GPM6B: variants seen among roughly 807,000 people sequenced by gnomAD.
The protein encoded by GPM6B is glycoprotein M6B, also known as neuronal membrane glycoprotein M6-b.
In GPM6B, 4 loss-of-function variants were observed where a neutral mutation model predicts 27.2. The ratio of observed to expected loss-of-function variants is 0.15; its 90% CI spans 0.07 to 0.34. The LOEUF (loss-of-function observed/expected upper bound fraction) is 0.34. Ranked by LOEUF, GPM6B falls within the 10% of genes least tolerant of loss-of-function variation. GPM6B has a pLI of 1.00. For missense variants in GPM6B, 183 were observed against 261.9 expected (o/e 0.70, Z 2.08); for synonymous variants, 124 against 103.1 (o/e 1.20, Z -1.23).
Position 13,919,856 on chromosome X carries a change from T to C in GPM6B, c.-198+18471A>G, listed in dbSNP as rs149435875. ...AGTCTTTGCTTCTCCAAAGGAGCTG[T>C]TGAAGGACAGCATCCTCTGGCTCTT... On this transcript the variant is annotated intron_variant, in intron 1 of 6. Transcript: ENST00000398361. Among the ~76,000 whole-genome samples the C allele has an allele frequency of 8.3e-3, 924 of 111,880 alleles. 7 individuals are homozygous for C. Among genetic ancestry groups the C allele is most frequent in the African/African-American group, 0.028 (849 of 30,782 alleles).
At position 13,931,614 on chromosome X, in the gene GPM6B, C is replaced by G. The variant is rs187107055; in HGVS notation, c.-198+6713G>C. ...CTCTGTAGTCATGCCAAAGATCACC[C>G]CAATATCTTTCCATCCCAGAAAGCT... On this transcript the variant is annotated intron_variant, in intron 1 of 6. Coordinates refer to the GPM6B transcript ENST00000398361. Among the ~76,000 whole-genome samples, 225 of 112,279 alleles carry G rather than the reference C, an allele frequency of 2.0e-3. 1 individual carries two copies. Among genetic ancestry groups the G allele is most frequent in the Non-Finnish European group, 2.2e-3 (115 of 53,139 alleles).
intron 1 of GPM6B, among the ~76,000 whole-genome samples, chrX:13,846,446 C>G (rs1010266179): frequency 8.9e-6 from 1 of 111,779 alleles, no homozygotes; most frequent in Non-Finnish European, 1.9e-5. Context: ...TCTCTGAACA[C>G]TCAGAGCAAA....
chrX:13,785,714 G>A lies in GPM6B; in HGVS notation c.276C>T (p.Cys92=), dbSNP rs753388801. 8 of 1,209,483 alleles carry A rather than the reference G, an allele frequency of 6.6e-6. No homozygotes were observed. Among genetic ancestry groups the A allele is most frequent in the African/African-American group, 3.5e-5 (2 of 57,341 alleles). The part of the protein sequence containing the change: ...ILCFSGVALF[C]GCGHVALAGT... ...CTGCGAGAGCCACATGCCCACAGCC[G>A]CAGAATAAGGCCACCCCGGAGAAGC... Residue 92 remains cysteine, a synonymous_variant, in exon 3 of 8, where the codon TGC becomes TGT. Coordinates refer to ENST00000316715, the MANE Select transcript of GPM6B (RefSeq NM_001001995.3).
intron 2 of GPM6B, among the ~76,000 whole-genome samples, chrX:13,793,306 T>C (rs2048748534): frequency 9.0e-6 from 1 of 111,318 alleles, no homozygotes; most frequent in Non-Finnish European, 1.9e-5. Context: ...CTTTGAGTTG[T>C]CCTGCCTTTC....
chrX:13,868,216 T>C (rs1364453167), intron 1 of GPM6B, among the ~76,000 whole-genome samples: 6 of 111,047 alleles, frequency 5.4e-5, no homozygotes, highest in African/African-American at 2.0e-4. Context: ...TGTGTGTACG[T>C]GTGCATACTG....
chrX:13,861,043 C>CAT (rs746863737), intron 1 of GPM6B, among the ~76,000 whole-genome samples: 7 of 49,661 alleles, frequency 1.4e-4, no homozygotes, highest in South Asian at 2.7e-3. Flanking sequence ...CACACACACA[C>CAT]ATATATACAT....
intron 1 of GPM6B, among the ~76,000 whole-genome samples, chrX:13,834,972 G>C (rs1360373942): frequency 8.9e-6 from 1 of 112,311 alleles, no homozygotes; most frequent in Non-Finnish European, 1.9e-5. Context: ...AGTGGAGACT[G>C]CTTCTCACTG....
chrX:13,810,129 G>GA lies in GPM6B; in HGVS notation c.62-2361dup, dbSNP rs778515124. On this transcript the variant is annotated intron_variant, in intron 1 of 7. Coordinates refer to ENST00000316715, the MANE Select transcript of GPM6B (RefSeq NM_001001995.3). Reference sequence around the variant, plus strand: ...TGAGACTCTGTCTCAAAAAAAGAAAGAAAAAAAACCCCCAAAAAACAGATT... The same window carrying GA: ...TGAGACTCTGTCTCAAAAAAAGAAAGAAAAAAAAACCCCCAAAAAACAGATT... 1.1e-3 allele frequency among the ~76,000 whole-genome samples: 124 copies of GA among 109,790 alleles called. No individual in the cohort carries two copies. The South Asian group carries it at 0.012, about 10-fold the overall frequency.
intron 7 of GPM6B, among the ~76,000 whole-genome samples, chrX:13,775,482 G>A (rs1163856382): frequency 1.8e-5 from 2 of 112,231 alleles, no homozygotes; most frequent in African/African-American, 6.5e-5. Flanking sequence ...GGGTGATTTT[G>A]CTGCTTAAAA....
intron 1 of GPM6B, among the ~76,000 whole-genome samples, chrX:13,938,122 G>A (rs1386801684): frequency 9.1e-6 from 1 of 110,376 alleles, no homozygotes; most frequent in Non-Finnish European, 1.9e-5. Context: ...GCGACAGGGA[G>A]AGCGTCCCGG....
In GPM6B at chrX:13,874,534, C is replaced by A. The variant is rs2050013056; in HGVS notation, c.-198+63793G>T. On this transcript the variant is annotated intron_variant, in intron 1 of 6. Coordinates refer to the GPM6B transcript ENST00000398361. ...CCAACATGGTGAAACCCCATCTCTA[C>A]TAAAAATACAAAAAAAAAAAAAAAA... is the stretch of plus-strand genomic sequence containing the variant. Among the ~76,000 whole-genome samples the A allele has an allele frequency of 1.7e-4, 9 of 52,051 alleles. No individual in the cohort carries two copies. The South Asian group carries it at 7.6e-3, about 44-fold the overall frequency. The allele number at this position is 52,051 out of a possible 115,157, so 45.2% of individuals were successfully genotyped here.
At position 13,854,921 on chromosome X, in the gene GPM6B, G is replaced by A. The variant is rs187299442; in HGVS notation, c.-197-69113C>T. Among the ~76,000 whole-genome samples, 3 of 111,676 alleles carry A rather than the reference G, an allele frequency of 2.7e-5. No homozygotes were observed. In the Admixed American group the frequency reaches 2.9e-4, roughly 11 times the overall value. On this transcript the variant is annotated intron_variant, in intron 1 of 6. Coordinates refer to the GPM6B transcript ENST00000398361. ...ATTGAAATGTACATAAAGAAAATGT[G>A]CAAATGAATACATTGTGCTTCATTT...
intron 1 of GPM6B, among the ~76,000 whole-genome samples, chrX:13,861,031 CACACACACACACAT>C (rs779886194): frequency 0.013 from 1,060 of 81,242 alleles, 14 homozygotes; most frequent in African/African-American, 0.065. Flanking sequence ...CACACACACA[CACACACACACACAT>C]ATATACATAT....
intron 1 of GPM6B, among the ~76,000 whole-genome samples, chrX:13,849,899 A>C (rs2049694637): frequency 1.8e-5 from 2 of 110,183 alleles, no homozygotes; most frequent in Non-Finnish European, 3.8e-5. Flanking sequence ...TCTTTACTAA[A>C]AATACAAAAA....
chrX:13,921,452 A>T (rs1207924259), intron 1 of GPM6B, among the ~76,000 whole-genome samples: 4 of 112,087 alleles, frequency 3.6e-5, no homozygotes, highest in Non-Finnish European at 5.6e-5. Flanking sequence ...AGCCAGAGGT[A>T]GAGGAAAAAA....
At chrX:13,803,295 T>C (rs2048956871) in intron 2 of GPM6B, among the ~76,000 whole-genome samples, 1 of 110,508 alleles carries the variant, frequency 9.0e-6, no homozygotes, top group Non-Finnish European at 1.9e-5. Context: ...TCCGTCAGTC[T>C]GCTACCCGCC....
intron 1 of GPM6B, among the ~76,000 whole-genome samples, chrX:13,932,210 C>T (rs1254362743): frequency 9.0e-6 from 1 of 111,249 alleles, no homozygotes; most frequent in African/African-American, 3.3e-5. Context: ...CTCAACATAC[C>T]CACACAGCAG....
chrX:13,776,106 G>A (rs1245357318), intron 7 of GPM6B, 132 bp downstream of exon 7: 40 of 524,954 alleles, frequency 7.6e-5, no homozygotes, highest in Non-Finnish European at 1.7e-5. Context: ...AGTTAACACA[G>A]GCGCCAGTTA....
intron 5 of GPM6B, among the ~76,000 whole-genome samples, chrX:13,779,406 T>C (rs1297839557): frequency 1.8e-5 from 2 of 112,068 alleles, no homozygotes; most frequent in Non-Finnish European, 3.8e-5. Context: ...ATTTGAGGAG[T>C]TGGATGTGCA....
Sources: allele counts gnomAD v4.1 joint callset (sites outside exome capture counted in the v4.1 genomes callset), GRCh38; gene constraint gnomAD v4.1.1; transcripts MANE v1.5; gene names NCBI Gene and HGNC (gene_info 2026-07-23, HGNC 2026-07-21).